Variants in PCDHA3 observed in about 807,000 individuals in gnomAD.
The protein encoded by PCDHA3 is protocadherin alpha-3.
In PCDHA3, 41 loss-of-function variants were observed where a neutral mutation model predicts 62.2. The observed-to-expected ratio is 0.66, with a 90% confidence interval of 0.51 to 0.86. PCDHA3 has a LOEUF of 0.86. Among genes scored for constraint, PCDHA3 ranks in the 40% least tolerant of loss-of-function variants. The probability of loss-of-function intolerance (pLI) is 0.00; values close to 1 mark genes in which losing one functional copy is unlikely to be tolerated. For missense variants in PCDHA3, 1,304 were observed against 1,241.2 expected, an observed-to-expected ratio of 1.05 and a Z score of -0.76; for synonymous variants, 640 against 555.4, an observed-to-expected ratio of 1.15 and a Z score of -2.14.
chr5:140,830,361 G>C (rs2150185402), intron 1 of PCDHA3: 1 of 1,614,126 alleles, frequency 6.2e-7, no homozygotes, highest in Non-Finnish European at 8.5e-7. Flanking sequence ...AGGCGGCAGA[G>C]GGTGTGCTCC....
intron 1 of PCDHA3, chr5:140,927,232 G>A (rs1554204208): frequency 6.2e-7 from 1 of 1,614,104 alleles, no homozygotes; most frequent in African/African-American, 1.3e-5. Flanking sequence ...TCGGATTCAC[G>A]TCCTGGACAC....
rs782039603 is a variant in PCDHA3 at position 140,876,722 on chromosome 5, G to A, written c.2394+73131G>A. 2.5e-6 allele frequency: 4 copies of A among 1,614,134 alleles called. No individual in the cohort carries two copies. In the Admixed American group the frequency reaches 5.0e-5, roughly 20 times the overall value. On this transcript the variant is annotated intron_variant, in intron 1 of 3. Coordinates refer to ENST00000522353, the MANE Select transcript of PCDHA3 (RefSeq NM_018906.3). ...CTGGACAGCGCCCTGGACCGCGAGA[G>A]CGTGTCGGCCTATGAGCTGGTGGTG...
At chr5:140,927,926 T>C (rs782407263) in intron 1 of PCDHA3, 2 of 1,614,212 alleles carry the variant, frequency 1.2e-6, no homozygotes, top group East Asian at 2.2e-5. Context: ...TTCCTGACTC[T>C]TTCGAACCCA....
chr5:140,848,732 G>T lies in PCDHA3; in HGVS notation c.2394+45141G>T, dbSNP rs1554142393. 5.7e-6 allele frequency: 9 copies of T among 1,592,756 alleles called. 1 individual carries two copies. The highest frequency in any genetic ancestry group is 7.7e-6 in the Non-Finnish European group (9 of 1,163,596). ...GCGGGGACCTTCTGGAGGTAAATCT[G>T]CAGAATGGCATTTTGTTTGTGAATT... On this transcript the variant is annotated intron_variant, in intron 1 of 3. Transcript: ENST00000522353.
chr5:140,862,503 A>T (rs2047399158), intron 1 of PCDHA3: 5 of 398,958 alleles, frequency 1.3e-5, no homozygotes, highest in Non-Finnish European at 2.5e-5. Context: ...CGGAATGGGG[A>T]CTCGCTTTCA....
At chr5:140,927,679 G>A (rs782403424) in intron 1 of PCDHA3, 11 of 1,614,188 alleles carry the variant, frequency 6.8e-6, no homozygotes, top group Non-Finnish European at 5.1e-6. Flanking sequence ...TCCAGATGAA[G>A]GGTCCAATGG....
At chr5:140,946,631 T>TATATATATAC (rs57893927) in intron 1 of PCDHA3, among the ~76,000 whole-genome samples, 18,480 of 131,524 alleles carry the variant, frequency 0.14, 1,838 homozygotes, top group East Asian at 0.38. Context: ...TATATATATA[T>TATATATATAC]ACAATGGAAT....
chr5:140,884,555 G>A (rs1554181729), intron 1 of PCDHA3: 1 of 1,614,098 alleles, frequency 6.2e-7, no homozygotes. Flanking sequence ...CTCTGGGGAG[G>A]GCCCGCATAA....
chr5:140,925,397 C>T (rs2082477792), intron 1 of PCDHA3, among the ~76,000 whole-genome samples: 1 of 152,048 alleles, frequency 6.6e-6, no homozygotes, highest in African/African-American at 2.4e-5. Flanking sequence ...TTTGGCTCGC[C>T]TCCTTCTTAG....
rs2150346065 is a variant in PCDHA3, at chr5:140,842,843, A to G, written c.2394+39252A>G. On this transcript the variant is annotated intron_variant, in intron 1 of 3. Coordinates refer to ENST00000522353, the MANE Select transcript of PCDHA3 (RefSeq NM_018906.3). ...GGGCGAGCGCTCGCTGTCGAGCTAC[A>G]TTTCGGTGCACACGGAGAGCGGCAA... 1.1e-5 allele frequency: 17 copies of G among 1,593,618 alleles called. 1 individual carries two copies. The South Asian group carries it at 1.8e-4, about 17-fold the overall frequency.
intron 1 of PCDHA3, chr5:140,871,407 C>G: frequency 6.2e-7 from 1 of 1,614,070 alleles, no homozygotes; most frequent in Non-Finnish European, 8.5e-7. Context: ...AGACGGACCT[C>G]ATGGCCTTCA....
chr5:140,975,868 C>T (rs553871611), intron 1 of PCDHA3, among the ~76,000 whole-genome samples: 2 of 152,222 alleles, frequency 1.3e-5, no homozygotes, highest in East Asian at 3.9e-4. Flanking sequence ...ATATGGACTA[C>T]CTAATTGATT....
In PCDHA3 at chr5:140,978,956, A is replaced by G; in HGVS notation, c.2402A>G (p.Gln801Arg). 3 of 1,614,194 alleles carry G rather than the reference A, an allele frequency of 1.9e-6. No individual in the cohort carries two copies. The highest frequency in any genetic ancestry group is 2.5e-6 in the Non-Finnish European group (3 of 1,180,026). ...CTCTTTGTGATTTTGCAGCCACGAC[A>G]GCCCAACCCTGACTGGCGTTACTCT... ...VDVDLSAKPR[Q>R]PNPDWRYSAS... Residue 801 changes from glutamine (Q) to arginine (R), a missense_variant, in exon 2 of 4, where the codon CAG becomes CGG. Transcript: ENST00000522353.
chr5:141,004,369 C>A (rs1239142670), intron 3 of PCDHA3, among the ~76,000 whole-genome samples: 1 of 152,206 alleles, frequency 6.6e-6, no homozygotes, highest in Non-Finnish European at 1.5e-5. Flanking sequence ...ACACCTTGTT[C>A]TGCTCTGCGG....
intron 1 of PCDHA3, chr5:140,825,487 A>G (rs1255011143): frequency 6.6e-6 from 1 of 150,540 alleles, no homozygotes; most frequent in African/African-American, 2.4e-5. Flanking sequence ...TTGTTGCCCA[A>G]ACGAGTGCAA....
intron 1 of PCDHA3, chr5:140,865,310 G>T (rs1315373536): frequency 3.9e-5 from 6 of 152,276 alleles, no homozygotes; most frequent in African/African-American, 1.4e-4. Flanking sequence ...AATTACAAAT[G>T]AGATGGCCTT....
intron 1 of PCDHA3, among the ~76,000 whole-genome samples, chr5:140,975,592 C>A (rs2096673847): frequency 6.6e-6 from 1 of 152,170 alleles, no homozygotes; most frequent in Non-Finnish European, 1.5e-5. Context: ...TCCCAGAGGG[C>A]AATTTGTTGA....
At chr5:140,817,446 A>G (rs1170449909) in intron 1 of PCDHA3, 1 of 152,218 alleles carries the variant, frequency 6.6e-6, no homozygotes, top group Non-Finnish European at 1.5e-5. Flanking sequence ...GGATTCCTAT[A>G]ACAGCATCTT....
rs181226204 is a variant in PCDHA3 at position 140,840,969 on chromosome 5, A to C, written c.2394+37378A>C. On this transcript the variant is annotated intron_variant, in intron 1 of 3. Transcript: ENST00000522353. ...TTGGGAAGAAATTCCTTTCCTTATG[A>C]AGAAGAAATCCCTAGCTGAAACTAA... 5.9e-5 allele frequency among the ~76,000 whole-genome samples: 9 copies of C among 152,188 alleles called. No individual in the cohort carries two copies. The East Asian group carries it at 1.7e-3, about 29-fold the overall frequency.
Sources: allele counts gnomAD v4.1 joint callset (sites outside exome capture counted in the v4.1 genomes callset), GRCh38; gene constraint gnomAD v4.1.1; transcripts MANE v1.5; gene names NCBI Gene and HGNC (gene_info 2026-07-23, HGNC 2026-07-21).